The following EEPD1 variants were observed in gnomAD, a reference collection of about 807,000 sequenced individuals.
EEPD1 encodes the protein endonuclease/exonuclease/phosphatase family domain-containing protein 1.
EEPD1 carries 17 observed loss-of-function variants against 46.3 expected under a neutral mutation model. That is an observed-to-expected ratio of 0.37 (90% confidence interval 0.25 to 0.55). EEPD1 has a LOEUF of 0.55. EEPD1 is among the 20% of genes least tolerant of loss of function. The probability of loss-of-function intolerance (pLI) is 0.83; values close to 1 mark genes in which losing one functional copy is unlikely to be tolerated. For synonymous variants in EEPD1, 313 were observed against 315.6 expected (o/e 0.99, Z 0.09); for missense variants, 673 against 745.6 (o/e 0.90, Z 1.13).
intron 2 of EEPD1, among the ~76,000 whole-genome samples, chr7:36,184,271 A>G (rs1000841280): frequency 2.0e-5 from 3 of 152,058 alleles, no homozygotes; most frequent in African/African-American, 7.2e-5. Flanking sequence ...TCTACCACTA[A>G]AAAAAATGCC....
chr7:36,227,416 G>A (rs1786248338), intron 2 of EEPD1, among the ~76,000 whole-genome samples: 1 of 152,202 alleles, frequency 6.6e-6, no homozygotes, highest in Non-Finnish European at 1.5e-5. Context: ...GTGACAGGAT[G>A]CAACGCTGTC....
chr7:36,194,298 C>A (rs1785536184), intron 2 of EEPD1, among the ~76,000 whole-genome samples: 1 of 152,166 alleles, frequency 6.6e-6, no homozygotes, highest in South Asian at 2.1e-4. Context: ...AGGAAGAAAT[C>A]CTTGAATGAA....
In EEPD1 at chr7:36,236,849, T is replaced by C. The variant is rs565900995; in HGVS notation, c.879-2136T>C. 2.1e-4 allele frequency among the ~76,000 whole-genome samples: 32 copies of C among 152,300 alleles called. No individual in the cohort carries two copies. The South Asian group carries it at 6.4e-3, about 31-fold the overall frequency. ...CTGTAAAATGGACCAGTCAGCTCTTTGTAAAATAGACCAATTAGCAGGATG... is the reference window on the plus strand; with the variant it reads ...CTGTAAAATGGACCAGTCAGCTCTTCGTAAAATAGACCAATTAGCAGGATG... On this transcript the variant is annotated intron_variant, in intron 2 of 7. Coordinates refer to ENST00000242108, the MANE Select transcript of EEPD1 (RefSeq NM_030636.3).
At position 36,284,778 on chromosome 7, in the gene EEPD1, C is replaced by T. The variant is rs149572443; in HGVS notation, c.1134C>T (p.His378=). The part of the protein sequence containing the change: ...GSQESSPSNG[H]GKLAGPSPYL... ...AGGAGAGCTCGCCAAGCAACGGGCACGGGAAGCTGGCGGGCCCCAGCCCAT... is the reference window on the plus strand; with the variant it reads ...AGGAGAGCTCGCCAAGCAACGGGCATGGGAAGCTGGCGGGCCCCAGCCCAT... Residue 378 remains histidine (H), a synonymous_variant, in exon 5 of 8, where the codon CAC becomes CAT. Coordinates refer to ENST00000242108, the MANE Select transcript of EEPD1 (RefSeq NM_030636.3). The T allele has an allele frequency of 5.5e-5, 88 of 1,590,730 alleles. No individual in the cohort carries two copies. In the African/African-American group the frequency reaches 7.3e-4, roughly 13 times the overall value.
chr7:36,200,534 G>C (rs1237246013), intron 2 of EEPD1, among the ~76,000 whole-genome samples: 1 of 152,140 alleles, frequency 6.6e-6, no homozygotes, highest in Non-Finnish European at 1.5e-5. Context: ...TAAGCTAAGA[G>C]GCCAATTCTA....
chr7:36,203,879 C>T (rs924999478), intron 2 of EEPD1, among the ~76,000 whole-genome samples: 1 of 152,144 alleles, frequency 6.6e-6, no homozygotes, highest in Non-Finnish European at 1.5e-5. Context: ...AATGTACTTC[C>T]AGTCTCTAGC....
At chr7:36,172,704 T>C (rs933095569) in intron 2 of EEPD1, among the ~76,000 whole-genome samples, 7 of 151,494 alleles carry the variant, frequency 4.6e-5, no homozygotes, top group East Asian at 1.9e-4. Context: ...TCTTCTTCCA[T>C]TGTGGCCCAG....
At position 36,299,442 on chromosome 7, in the gene EEPD1, G is replaced by A. The variant is rs553140352; in HGVS notation, c.*236G>A. On this transcript the variant is annotated 3_prime_UTR_variant, in exon 8 of 8. Coordinates refer to ENST00000242108, the MANE Select transcript of EEPD1 (RefSeq NM_030636.3). ...GCAGAAACCTGCGGGGAGCGGAGAC[G>A]CCTTTTATCTCTGGATGCCACAGAC... 8 of 574,564 alleles carry A rather than the reference G, an allele frequency of 1.4e-5. No individual in the cohort carries two copies. Among genetic ancestry groups the A allele is most frequent in the Middle Eastern group, 4.7e-4 (1 of 2,146 alleles). 35.6% of individuals were successfully genotyped at this position (574,564 alleles called of 1,614,324 possible).
intron 2 of EEPD1, among the ~76,000 whole-genome samples, chr7:36,173,874 G>A (rs1361776362): frequency 6.6e-6 from 1 of 152,158 alleles, no homozygotes; most frequent in African/African-American, 2.4e-5. Flanking sequence ...CCACCACCCA[G>A]TGGGAAAAAT....
chr7:36,200,615 G>A (rs965049773), intron 2 of EEPD1, among the ~76,000 whole-genome samples: 3 of 152,350 alleles, frequency 2.0e-5, no homozygotes, highest in African/African-American at 7.2e-5. Context: ...ATTGTGGGAT[G>A]TTAGATTTGT....
At chr7:36,160,680 G>GGGT (rs72223265) in intron 2 of EEPD1, among the ~76,000 whole-genome samples, 40,620 of 118,680 alleles carry the variant, frequency 0.34, 7,308 homozygotes, top group Middle Eastern at 0.39. Flanking sequence ...AGGTGGTGGG[G>GGGT]GGCGGGGCGT....
rs180842895 is a variant in EEPD1, at chr7:36,176,343, G to A, written c.878+21141G>A. ...ACAACCCTCTCCCTCACAGTCTGCC[G>A]AAGAGCAGAAGTTTGGAAGAAGCAA... On this transcript the variant is annotated intron_variant, in intron 2 of 7. Coordinates refer to ENST00000242108, the MANE Select transcript of EEPD1 (RefSeq NM_030636.3). 2.9e-3 allele frequency among the ~76,000 whole-genome samples: 440 copies of A among 152,296 alleles called. 2 individuals are homozygous for A. The highest frequency in any genetic ancestry group is 6.8e-3 in the Middle Eastern group (2 of 294).
At chr7:36,295,479 C>T (rs1787508383) in intron 6 of EEPD1, among the ~76,000 whole-genome samples, 1 of 152,154 alleles carries the variant, frequency 6.6e-6, no homozygotes, top group Admixed American at 6.5e-5. Context: ...GAGATCCATC[C>T]CTTGTGCAGC....
At chr7:36,262,125 C>T (rs1473337276) in intron 3 of EEPD1, among the ~76,000 whole-genome samples, 1 of 152,202 alleles carries the variant, frequency 6.6e-6, no homozygotes, top group Non-Finnish European at 1.5e-5. Flanking sequence ...TATTCTTTCC[C>T]GTGCCCTAAG....
At chr7:36,266,008 T>C (rs1407138683) in intron 3 of EEPD1, among the ~76,000 whole-genome samples, 2 of 152,164 alleles carry the variant, frequency 1.3e-5, no homozygotes, top group Non-Finnish European at 2.9e-5. Context: ...CTTACTGGCA[T>C]GCATCTCAGG....
chr7:36,241,745 G>A (rs1583828875), intron 3 of EEPD1, among the ~76,000 whole-genome samples: 1 of 152,092 alleles, frequency 6.6e-6, no homozygotes, highest in African/African-American at 2.4e-5. Flanking sequence ...GCATGTGCCT[G>A]TAATCCCAGC....
intron 2 of EEPD1, among the ~76,000 whole-genome samples, chr7:36,222,663 G>A (rs1049412704): frequency 1.3e-5 from 2 of 152,138 alleles, no homozygotes; most frequent in East Asian, 1.9e-4. Flanking sequence ...GGAGGCTGGC[G>A]AGTCTAAGAT....
intron 2 of EEPD1, among the ~76,000 whole-genome samples, chr7:36,223,654 C>T (rs956659570): frequency 2.0e-5 from 3 of 152,122 alleles, no homozygotes; most frequent in African/African-American, 7.2e-5. Flanking sequence ...CTGTGTGGAC[C>T]CTGAATAAGC....
intron 3 of EEPD1, among the ~76,000 whole-genome samples, chr7:36,268,949 C>T (rs114877091): frequency 6.2e-4 from 95 of 152,276 alleles, no homozygotes; most frequent in African/African-American, 2.1e-3. Flanking sequence ...CTAGAGTCTG[C>T]GTTCTTAACC....
Sources: allele counts gnomAD v4.1 joint callset (sites outside exome capture counted in the v4.1 genomes callset), GRCh38; gene constraint gnomAD v4.1.1; transcripts MANE v1.5; gene names NCBI Gene and HGNC (gene_info 2026-07-23, HGNC 2026-07-21).